Variants in HDAC9 observed in about 807,000 individuals in gnomAD.
HDAC9 encodes the protein histone deacetylase 9.
HDAC9 carries 41 observed loss-of-function variants against 139.4 expected under a neutral mutation model. The ratio of observed to expected loss-of-function variants is 0.29; its 90% confidence interval spans 0.23 to 0.38. HDAC9 has a LOEUF of 0.38. Among genes scored for constraint, HDAC9 ranks in the 10% least tolerant of loss-of-function variants. The probability of loss-of-function intolerance (pLI) is 1.00; values close to 1 mark genes in which losing one functional copy is unlikely to be tolerated. For synonymous variants in HDAC9, 517 were observed against 476.2 expected, an observed-to-expected ratio of 1.09 and a Z score of -1.12; for missense variants, 1,147 against 1,297.0, an observed-to-expected ratio of 0.88 and a Z score of 1.78.
At chr7:18,728,085 T>C (rs1045324320) in intron 13 of HDAC9, among the ~76,000 whole-genome samples, 5 of 152,178 alleles carry the variant, frequency 3.3e-5, no homozygotes, top group African/African-American at 9.7e-5. Context: ...GCCCAGTCAC[T>C]AGGAAATTGA....
intron 1 of HDAC9, among the ~76,000 whole-genome samples, chr7:18,350,052 A>G (rs764412528): frequency 6.6e-5 from 10 of 152,086 alleles, no homozygotes; most frequent in Non-Finnish European, 1.3e-4. Flanking sequence ...TAGGTTTTCC[A>G]GGTTTTTTCT....
At chr7:18,409,188 T>C (rs773233494) in intron 1 of HDAC9, among the ~76,000 whole-genome samples, 8 of 152,214 alleles carry the variant, frequency 5.3e-5, no homozygotes, top group Non-Finnish European at 1.2e-4. Context: ...GAACTTTACC[T>C]ACTTGTTAAT....
intron 2 of HDAC9, among the ~76,000 whole-genome samples, chr7:18,164,386 A>G (rs1787860861): frequency 6.6e-6 from 1 of 152,184 alleles, no homozygotes; most frequent in Admixed American, 6.5e-5. Flanking sequence ...TTTGATTTAG[A>G]AAAAAATATG....
intron 17 of HDAC9, among the ~76,000 whole-genome samples, chr7:18,804,950 A>G (rs56036745): frequency 0.17 from 25,298 of 151,950 alleles, 2,821 homozygotes; most frequent in African/African-American, 0.32. Context: ...GCCTGCCATC[A>G]CGCCTGGCTA....
At chr7:18,925,041 GA>G (rs1804094086) in intron 22 of HDAC9, among the ~76,000 whole-genome samples, 1 of 152,102 alleles carries the variant, frequency 6.6e-6, no homozygotes, top group Non-Finnish European at 1.5e-5. Context: ...TTTTCAAACT[GA>G]AAAAATAGCA....
At chr7:18,894,604 A>G (rs954023592) in intron 22 of HDAC9, among the ~76,000 whole-genome samples, 8 of 152,132 alleles carry the variant, frequency 5.3e-5, no homozygotes, top group African/African-American at 1.9e-4. Flanking sequence ...CTGCACATAT[A>G]GACTGCTGCT....
intron 16 of HDAC9, among the ~76,000 whole-genome samples, chr7:18,782,323 C>T (rs1242301324): frequency 1.3e-5 from 2 of 152,088 alleles, no homozygotes. Context: ...AATATTTCCA[C>T]CAGGAAGCAA....
chr7:18,608,318 C>A (rs1373254563), intron 6 of HDAC9, among the ~76,000 whole-genome samples: 1 of 151,964 alleles, frequency 6.6e-6, no homozygotes, highest in East Asian at 1.9e-4. Flanking sequence ...GCTTAAGAAC[C>A]ATGTTATTAT....
At chr7:18,684,235 C>G (rs1254785836) in intron 12 of HDAC9, among the ~76,000 whole-genome samples, 1 of 150,326 alleles carries the variant, frequency 6.7e-6, no homozygotes, top group African/African-American at 2.5e-5. Flanking sequence ...AGCCTGGCAA[C>G]AGAGCCAGAC....
intron 17 of HDAC9, among the ~76,000 whole-genome samples, chr7:18,809,994 A>T (rs1171277114): frequency 6.6e-6 from 1 of 152,004 alleles, no homozygotes; most frequent in Non-Finnish European, 1.5e-5. Context: ...GATGAACTAC[A>T]AATAAAATAT....
At chr7:18,190,934 C>T (rs1790310256) in intron 2 of HDAC9, among the ~76,000 whole-genome samples, 1 of 152,148 alleles carries the variant, frequency 6.6e-6, no homozygotes, top group Non-Finnish European at 1.5e-5. Context: ...CACCCACTGT[C>T]AAAAGTCTAC....
intron 2 of HDAC9, among the ~76,000 whole-genome samples, chr7:18,173,255 C>G (rs1324964265): frequency 6.6e-6 from 1 of 152,122 alleles, no homozygotes; most frequent in Admixed American, 6.5e-5. Context: ...TCTGTTTTAT[C>G]AGAGACTAGG....
chr7:18,966,841 A>G (rs1353357124), intron 24 of HDAC9, among the ~76,000 whole-genome samples: 1 of 151,924 alleles, frequency 6.6e-6, no homozygotes, highest in Non-Finnish European at 1.5e-5. Context: ...CTTTTGCTAC[A>G]GAGATTTTGT....
At position 18,238,047 on chromosome 7, in the gene HDAC9, A is replaced by G. The variant is rs77271269; in HGVS notation, c.25+75698A>G. On this transcript the variant is annotated intron_variant, in intron 2 of 12. Transcript: ENST00000417496. ...TCCTTCCATGCTATTTTAGCAGTGA[A>G]ATTTCAGTGAACCAATTAGAACAGT... Among the ~76,000 whole-genome samples the G allele has an allele frequency of 4.6e-3, 700 of 152,278 alleles. 5 individuals carry two copies. Among genetic ancestry groups the G allele is most frequent in the African/African-American group, 0.016 (658 of 41,548 alleles).
chr7:18,426,910 A>C (rs1025648034), intron 1 of HDAC9, among the ~76,000 whole-genome samples: 7 of 152,186 alleles, frequency 4.6e-5, no homozygotes, highest in Non-Finnish European at 1.0e-4. Flanking sequence ...ATGACTAATT[A>C]GTTTTTGGTC....
At chr7:18,161,948 A>G (rs1454451890) in intron 1 of HDAC9, among the ~76,000 whole-genome samples, 2 of 152,202 alleles carry the variant, frequency 1.3e-5, no homozygotes, top group African/African-American at 4.8e-5. Context: ...GTAAACAATA[A>G]GCTAATTATA....
At chr7:18,236,231 G>T (rs568076129) in intron 2 of HDAC9, among the ~76,000 whole-genome samples, 43 of 152,242 alleles carry the variant, frequency 2.8e-4, no homozygotes, top group African/African-American at 1.0e-3. Flanking sequence ...TGTTAGCAAT[G>T]CAGATCCTTG....
At chr7:18,293,420 A>G (rs1562844109) in intron 1 of HDAC9, among the ~76,000 whole-genome samples, 1 of 152,050 alleles carries the variant, frequency 6.6e-6, no homozygotes, top group Non-Finnish European at 1.5e-5. Context: ...AAAAAACCAA[A>G]CACCGCATAT....
chr7:18,804,296 G>A (rs1212584245), intron 17 of HDAC9, among the ~76,000 whole-genome samples: 1 of 152,154 alleles, frequency 6.6e-6, no homozygotes, highest in Non-Finnish European at 1.5e-5. Flanking sequence ...GAAACTTCAA[G>A]GCCTGAGCGT....
Sources: allele counts gnomAD v4.1 joint callset (sites outside exome capture counted in the v4.1 genomes callset), GRCh38; gene constraint gnomAD v4.1.1; transcripts MANE v1.5; gene names NCBI Gene and HGNC (gene_info 2026-07-23, HGNC 2026-07-21).